VEGFC: variants seen among roughly 807,000 people sequenced by gnomAD.
The protein encoded by VEGFC is vascular endothelial growth factor C.
A neutral mutation model predicts 46.1 loss-of-function variants in VEGFC; 12 were observed. The observed-to-expected ratio is 0.26, with a 90% CI of 0.17 to 0.42. The LOEUF is 0.42. VEGFC is among the 10% of genes least tolerant of loss of function. The probability of loss-of-function intolerance (pLI) is 1.00; values close to 1 mark genes in which losing one functional copy is unlikely to be tolerated. For synonymous variants in VEGFC, 232 were observed against 195.5 expected, an observed-to-expected ratio of 1.19 and a Z score of -1.56; for missense variants, 488 against 529.4, an observed-to-expected ratio of 0.92 and a Z score of 0.77.
chr4:176,729,897 T>C, intron 1 of VEGFC, 151 bp from the exon 2 acceptor site: 1 of 466,192 alleles, frequency 2.1e-6, no homozygotes, highest in Non-Finnish European at 3.4e-6. Context: ...CTTTCCTTGG[T>C]AAAATTATAT....
chr4:176,775,433 C>T (rs1395405652), intron 1 of VEGFC, among the ~76,000 whole-genome samples: 1 of 152,086 alleles, frequency 6.6e-6, no homozygotes, highest in Admixed American at 6.5e-5. Flanking sequence ...TTGTGTTGGA[C>T]AGCCTGTTTC....
chr4:176,744,126 C>A (rs1007116470), intron 1 of VEGFC, among the ~76,000 whole-genome samples: 1 of 151,982 alleles, frequency 6.6e-6, no homozygotes, highest in Non-Finnish European at 1.5e-5. Flanking sequence ...AAAAATGTCA[C>A]TTTATGTTGA....
intron 1 of VEGFC, among the ~76,000 whole-genome samples, chr4:176,779,716 G>A (rs1735875275): frequency 8.1e-6 from 1 of 122,804 alleles, no homozygotes; most frequent in African/African-American, 2.5e-5. Context: ...GCTAATGTCA[G>A]TGCGAAAGCA....
At chr4:176,736,869 A>T (rs887601818) in intron 1 of VEGFC, among the ~76,000 whole-genome samples, 1 of 151,580 alleles carries the variant, frequency 6.6e-6, no homozygotes, top group Non-Finnish European at 1.5e-5. Flanking sequence ...TAGCAATAGA[A>T]AAAACTATAG....
rs1380219875 is a variant in VEGFC, at chr4:176,729,621, T to C, written c.273A>G (p.Gln91=). Residue 91 remains glutamine (Q), a synonymous_variant, in exon 2 of 7, where the codon CAA becomes CAG. Coordinates refer to ENST00000618562, the MANE Select transcript of VEGFC (RefSeq NM_005429.5). ...TGAGGTTGGCCTGTTCTCTGTTATG[T>C]TGCCAGCCTCCTTTCCTTAGCTGAC... ...YKCQLRKGGW[Q]HNREQANLNS... 6.2e-7 allele frequency: 1 copy of C among 1,613,796 alleles called. No homozygotes were observed. The highest frequency in any genetic ancestry group is 8.5e-7 in the Non-Finnish European group (1 of 1,179,950).
intron 1 of VEGFC, among the ~76,000 whole-genome samples, chr4:176,750,926 A>G (rs1735332445): frequency 6.6e-6 from 1 of 151,742 alleles, no homozygotes. Flanking sequence ...AGGAAATCCC[A>G]ATAGGACAAA....
At chr4:176,721,494 C>T (rs1560945408) in intron 3 of VEGFC, among the ~76,000 whole-genome samples, 1 of 151,992 alleles carries the variant, frequency 6.6e-6, no homozygotes, top group African/African-American at 2.4e-5. Context: ...GGTAGGAGAC[C>T]AGTTATTAGG....
At chr4:176,700,133 T>C (rs147177258) in intron 4 of VEGFC, among the ~76,000 whole-genome samples, 8 of 152,332 alleles carry the variant, frequency 5.3e-5, no homozygotes, top group Middle Eastern at 6.8e-3. Flanking sequence ...AACATGGGTT[T>C]AGGCTGGGCA....
chr4:176,691,739 G>A (rs901592679), intron 4 of VEGFC, among the ~76,000 whole-genome samples: 1 of 152,132 alleles, frequency 6.6e-6, no homozygotes, highest in Non-Finnish European at 1.5e-5. Context: ...TTCCAAATAC[G>A]TTCTGTTACA....
chr4:176,790,039 A>C (rs1736064664), intron 1 of VEGFC, among the ~76,000 whole-genome samples: 1 of 152,208 alleles, frequency 6.6e-6, no homozygotes, highest in Non-Finnish European at 1.5e-5. Context: ...TCTAGTGCTT[A>C]AATCTAAATG....
chr4:176,720,643 C>T (rs937747637), intron 3 of VEGFC, among the ~76,000 whole-genome samples: 3 of 151,758 alleles, frequency 2.0e-5, no homozygotes, highest in Non-Finnish European at 4.4e-5. Context: ...GTTTCTAGAC[C>T]AGCCTGGCTA....
At chr4:176,700,565 C>T (rs1367855717) in intron 4 of VEGFC, among the ~76,000 whole-genome samples, 4 of 152,120 alleles carry the variant, frequency 2.6e-5, no homozygotes, top group Non-Finnish European at 4.4e-5. Flanking sequence ...TGGCTAAGTA[C>T]AGGACTTAAC....
At chr4:176,751,846 T>G (rs1163497875) in intron 1 of VEGFC, among the ~76,000 whole-genome samples, 1 of 151,940 alleles carries the variant, frequency 6.6e-6, no homozygotes. Context: ...TACCTGTAAG[T>G]TTTTTTCTCA....
At chr4:176,763,097 T>C (rs911904667) in intron 1 of VEGFC, among the ~76,000 whole-genome samples, 1 of 152,250 alleles carries the variant, frequency 6.6e-6, no homozygotes, top group African/African-American at 2.4e-5. Flanking sequence ...GAAGTAACAC[T>C]ATCTGTGTGG....
intron 1 of VEGFC, among the ~76,000 whole-genome samples, chr4:176,771,688 G>C (rs1017991019): frequency 6.6e-6 from 1 of 152,290 alleles, no homozygotes; most frequent in African/African-American, 2.4e-5. Flanking sequence ...CAGTGCTGTG[G>C]ACACGCCACT....
At chr4:176,742,461 T>G (rs947577682) in intron 1 of VEGFC, among the ~76,000 whole-genome samples, 1 of 152,118 alleles carries the variant, frequency 6.6e-6, no homozygotes, top group East Asian at 1.9e-4. Context: ...ATACCAGTAA[T>G]GGGGTTGCTG....
intron 1 of VEGFC, among the ~76,000 whole-genome samples, chr4:176,741,889 T>G (rs1735182085): frequency 6.6e-6 from 1 of 152,006 alleles, no homozygotes; most frequent in Admixed American, 6.6e-5. Flanking sequence ...CTTCATGTAT[T>G]TAAGCACATA....
intron 6 of VEGFC, among the ~76,000 whole-genome samples, chr4:176,686,195 A>G (rs1734039068): frequency 6.6e-6 from 1 of 152,208 alleles, no homozygotes; most frequent in African/African-American, 2.4e-5. Flanking sequence ...TGGAAAGGAC[A>G]GGTTACCTAA....
chr4:176,768,808 G>A (rs1367096355), intron 1 of VEGFC, among the ~76,000 whole-genome samples: 1 of 151,846 alleles, frequency 6.6e-6, no homozygotes, highest in Admixed American at 6.6e-5. Flanking sequence ...GTTCTAAACT[G>A]TTTACCCTAC....
Sources: allele counts gnomAD v4.1 joint callset (sites outside exome capture counted in the v4.1 genomes callset), GRCh38; gene constraint gnomAD v4.1.1; transcripts MANE v1.5; gene names NCBI Gene and HGNC (gene_info 2026-07-23, HGNC 2026-07-21).